Variants in RIC8B observed in about 807,000 individuals in gnomAD.
RIC8B encodes the protein chaperone Ric-8B.
RIC8B carries 16 observed loss-of-function variants against 57.5 expected under a neutral mutation model. The observed-to-expected ratio is 0.28, with a 90% CI of 0.19 to 0.42. The LOEUF is 0.42. Among genes scored for constraint, RIC8B ranks in the 10% least tolerant of loss-of-function variants. The pLI, the probability that RIC8B is intolerant of heterozygous loss-of-function variation, is 1.00. For synonymous variants in RIC8B, 216 were observed against 250.8 expected (o/e 0.86, Z 1.31); for missense variants, 481 against 677.0 (o/e 0.71, Z 3.21).
chr12:106,863,384 C>T (rs1950016693), intron 8 of RIC8B, among the ~76,000 whole-genome samples: 1 of 152,078 alleles, frequency 6.6e-6, no homozygotes, highest in Non-Finnish European at 1.5e-5. Flanking sequence ...AGGGGTGTTT[C>T]CTTCTTGACC....
intron 4 of RIC8B, among the ~76,000 whole-genome samples, chr12:106,826,475 C>T (rs964387815): frequency 1.3e-5 from 2 of 152,080 alleles, no homozygotes; most frequent in South Asian, 2.1e-4. Flanking sequence ...TAAAATAGGC[C>T]GGGTGTGGTG....
chr12:106,845,181 T>C (rs1413945305), intron 6 of RIC8B, among the ~76,000 whole-genome samples: 2 of 152,174 alleles, frequency 1.3e-5, no homozygotes, highest in Non-Finnish European at 2.9e-5. Context: ...ACTGGCTAAC[T>C]CCAGCTTTCT....
Position 106,875,307 on chromosome 12 carries a change from G to A in RIC8B, c.1571+4365G>A, listed in dbSNP as rs117593423. 2.8e-3 allele frequency among the ~76,000 whole-genome samples: 429 copies of A among 152,240 alleles called. 2 individuals are homozygous for A. The highest frequency in any genetic ancestry group is 4.5e-3 in the Non-Finnish European group (305 of 68,028). On this transcript the variant is annotated intron_variant, in intron 9 of 9. Coordinates refer to ENST00000392837, the MANE Select transcript of RIC8B (RefSeq NM_001330145.2). ...ATGTGAGGGCAGAGATGGAAAAGCG[G>A]ATGAAATTTGCCTGCCTCTTCACCT...
chr12:106,845,548 C>A (rs1949148288), intron 6 of RIC8B, among the ~76,000 whole-genome samples: 1 of 152,168 alleles, frequency 6.6e-6, no homozygotes, highest in South Asian at 2.1e-4. Context: ...CTCTTTCTCT[C>A]TCATTAACTT....
intron 2 of RIC8B, among the ~76,000 whole-genome samples, chr12:106,804,386 T>A (rs2044904436): frequency 6.6e-6 from 1 of 152,146 alleles, no homozygotes; most frequent in Non-Finnish European, 1.5e-5. Flanking sequence ...ATCTAATTTT[T>A]GTATTTTTAG....
chr12:106,865,106 C>G (rs1364850798), intron 8 of RIC8B, among the ~76,000 whole-genome samples: 2 of 152,118 alleles, frequency 1.3e-5, no homozygotes, highest in African/African-American at 4.8e-5. Flanking sequence ...CTGCTTTCTG[C>G]TCTCTTGCGT....
At chr12:106,782,153 C>T (rs1309573379) in intron 1 of RIC8B, among the ~76,000 whole-genome samples, 6 of 152,044 alleles carry the variant, frequency 3.9e-5, no homozygotes, top group Non-Finnish European at 2.9e-5. Flanking sequence ...TAATAGAATA[C>T]TGTCACATGC....
At chr12:106,787,534 C>T (rs891106045) in intron 2 of RIC8B, among the ~76,000 whole-genome samples, 34 of 152,242 alleles carry the variant, frequency 2.2e-4, no homozygotes, top group African/African-American at 6.7e-4. Context: ...TAAAGACATA[C>T]CTGAGACTGG....
At chr12:106,815,871 A>C (rs2045552784) in intron 3 of RIC8B, among the ~76,000 whole-genome samples, 1 of 152,170 alleles carries the variant, frequency 6.6e-6, no homozygotes, top group African/African-American at 2.4e-5. Flanking sequence ...GTTCTAGAAA[A>C]CAAGCTGATT....
Position 106,887,705 on chromosome 12 carries a change from C to G in RIC8B, c.*1690C>G, listed in dbSNP as rs1235733834. 2.0e-5 allele frequency: 3 copies of G among 152,192 alleles called. No individual in the cohort carries two copies. Among genetic ancestry groups the G allele is most frequent in the Non-Finnish European group, 4.4e-5 (3 of 68,038 alleles). The allele number at this position is 152,192 out of a possible 1,614,324, so 9.4% of individuals were successfully genotyped here. A position where few individuals can be genotyped will look rare whatever the true frequency, so the allele number is the denominator to read the frequency against. On this transcript the variant is annotated 3_prime_UTR_variant, in exon 10 of 10. Transcript: ENST00000392837. Reference sequence around the variant, plus strand: ...CATACTGAAAGAAGAAAAAGGCCAACTGAAAACTAGATAGTGAGATGAGAA... The same window carrying G: ...CATACTGAAAGAAGAAAAAGGCCAAGTGAAAACTAGATAGTGAGATGAGAA...
Position 106,817,569 on chromosome 12 carries a change from C to T in RIC8B, c.741+2265C>T, listed in dbSNP as rs1233536118. Among the ~76,000 whole-genome samples the T allele has an allele frequency of 3.3e-5, 5 of 152,186 alleles. No individual in the cohort carries two copies. The East Asian group carries it at 9.7e-4, about 29-fold the overall frequency. ...GCGTGGTGGCTCACGCCTGTAATCC[C>T]AGCACTTTGGGAGGCCGAGGCGGGG... On this transcript the variant is annotated intron_variant, in intron 3 of 9. Coordinates refer to ENST00000392837, the MANE Select transcript of RIC8B (RefSeq NM_001330145.2).
intron 9 of RIC8B, among the ~76,000 whole-genome samples, chr12:106,880,450 A>C (rs567224938): frequency 6.6e-6 from 1 of 152,238 alleles, no homozygotes; most frequent in South Asian, 2.1e-4. Context: ...CACTTTATAG[A>C]TGGGGAGACT....
rs58405740 is a variant in RIC8B at position 106,779,888 on chromosome 12, TTG to T, written c.85-4091_85-4090del. Among the ~76,000 whole-genome samples the T allele has an allele frequency of 4.4e-3, 367 of 84,148 alleles. 7 individuals are homozygous for T. The highest frequency in any genetic ancestry group is 9.2e-3 in the East Asian group (26 of 2,826). The allele number at this position is 84,148 out of a possible 152,430, so 55.2% of individuals were successfully genotyped here. A position where few individuals can be genotyped will look rare whatever the true frequency, so the allele number is the denominator to read the frequency against. The stretch of plus-strand genomic sequence containing the variant: ...CTGTTCTTTTTTTTTTTTTTTTTTT[TTG>T]TGTGTGTGTGTGTGTGTAGAGTTGG... On this transcript the variant is annotated intron_variant, in intron 1 of 9. Coordinates refer to ENST00000392837, the MANE Select transcript of RIC8B (RefSeq NM_001330145.2).
At chr12:106,883,925 C>G (rs991583374) in intron 9 of RIC8B, among the ~76,000 whole-genome samples, 5 of 152,206 alleles carry the variant, frequency 3.3e-5, no homozygotes, top group African/African-American at 1.2e-4. Flanking sequence ...TTGAACCTCA[C>G]CATTCCCCAA....
rs1949072764 is a variant in RIC8B at position 106,843,920 on chromosome 12, A to T, written c.1134A>T (p.Arg378=). Residue 378 remains arginine (R), a synonymous_variant, in exon 6 of 10, where the codon CGA becomes CGT. Transcript: ENST00000392837. ...TAACCGAATGTTCCCGAGCCCATCG[A>T]AACATCCGAAAATTTCTCAAAGATC... ...SLLTECSRAH[R]NIRKFLKDQV... 3.1e-6 allele frequency: 5 copies of T among 1,613,922 alleles called. No individual in the cohort carries two copies. The highest frequency in any genetic ancestry group is 4.2e-6 in the Non-Finnish European group (5 of 1,179,890).
intron 2 of RIC8B, among the ~76,000 whole-genome samples, chr12:106,794,523 A>G (rs2044392210): frequency 1.3e-5 from 2 of 152,348 alleles, no homozygotes; most frequent in South Asian, 4.1e-4. Flanking sequence ...CGAGGAGAAA[A>G]TCTTGAAAAC....
intron 2 of RIC8B, among the ~76,000 whole-genome samples, chr12:106,795,630 A>G (rs1024631067): frequency 7.2e-5 from 11 of 152,136 alleles, no homozygotes; most frequent in African/African-American, 2.7e-4. Flanking sequence ...CTTAATGTAC[A>G]TGTGGCTGAC....
At position 106,778,983 on chromosome 12, in the gene RIC8B, G is replaced by C. The variant is rs184594090; in HGVS notation, c.84+4154G>C. ...GGCTGGAGTGCAATGGCGCGATCTC[G>C]GCTTATCATAACCTCTGCCTCCTGG... On this transcript the variant is annotated intron_variant, in intron 1 of 9. Coordinates refer to ENST00000392837, the MANE Select transcript of RIC8B (RefSeq NM_001330145.2). 6.3e-4 allele frequency among the ~76,000 whole-genome samples: 96 copies of C among 152,134 alleles called. 1 individual carries two copies. Among genetic ancestry groups the C allele is most frequent in the Non-Finnish European group, 1.1e-3 (78 of 67,996 alleles).
Position 106,815,190 on chromosome 12 carries a change from A to G in RIC8B, c.627A>G (p.Glu209=). Reference sequence around the variant, plus strand: ...GCATCAAGTGGACCGATGAGTATGAATCGGCCATAGACCATAATGGACCTC... The same window carrying G: ...GCATCAAGTGGACCGATGAGTATGAGTCGGCCATAGACCATAATGGACCTC... ...AFSIKWTDEY[E]SAIDHNGPPL... Residue 209 remains glutamate, a synonymous_variant, in exon 3 of 10, where the codon GAA becomes GAG. Coordinates refer to ENST00000392837, the MANE Select transcript of RIC8B (RefSeq NM_001330145.2). The G allele has an allele frequency of 6.2e-7, 1 of 1,614,246 alleles. No individual in the cohort carries two copies. The highest frequency in any genetic ancestry group is 8.5e-7 in the Non-Finnish European group (1 of 1,180,038).
Sources: allele counts gnomAD v4.1 joint callset (sites outside exome capture counted in the v4.1 genomes callset), GRCh38; gene constraint gnomAD v4.1.1; transcripts MANE v1.5; gene names NCBI Gene and HGNC (gene_info 2026-07-23, HGNC 2026-07-21).